The following HTR3D variants were observed in gnomAD, a reference collection of about 807,000 sequenced individuals.
The protein encoded by HTR3D is 5-hydroxytryptamine receptor 3D.
HTR3D carries 47 observed loss-of-function variants against 45.8 expected under a neutral mutation model. That is an observed-to-expected ratio of 1.03 (90% CI 0.81 to 1.31). HTR3D has a LOEUF of 1.31. Among genes scored for constraint, HTR3D ranks in the 50% most tolerant of loss-of-function variants. The pLI is 0.00. For synonymous variants in HTR3D, 203 were observed against 199.8 expected (o/e 1.02, Z -0.13); for missense variants, 448 against 506.9 (o/e 0.88, Z 1.12).
chr3:184,036,262 A>G, intron 3 of HTR3D, 113 bp from the exon 4 acceptor site: 1 of 1,505,358 alleles, frequency 6.6e-7, no homozygotes, highest in South Asian at 1.3e-5. Flanking sequence ...GAGAGCAGTC[A>G]TCTGAGTGGG....
intron 1 of HTR3D, among the ~76,000 whole-genome samples, chr3:184,032,217 T>C (rs2090720): frequency 0.36 from 54,503 of 152,002 alleles, 10,434 homozygotes; most frequent in African/African-American, 0.49. Context: ...TGGTCTTGAA[T>C]GCCTGTCCTC....
chr3:184,036,762 A>G lies in HTR3D; in HGVS notation c.382A>G (p.Arg128Gly). Residue 128 changes from arginine (R) to glycine (G), a missense_variant, in exon 5 of 8, where the codon AGG becomes GGG. Transcript: ENST00000428798. ...GAGAACACGAGCCCGGGCATGGAGAAGGATGTCCAGGAGCTTTCAAATACA... is the reference window on the plus strand; with the variant it reads ...GAGAACACGAGCCCGGGCATGGAGAGGGATGTCCAGGAGCTTTCAAATACA... ...SPTQVTRAWR[R>G]MSRSFQIHHR... 1 of 1,552,202 alleles carries G rather than the reference A, an allele frequency of 6.4e-7. No homozygotes were observed. Among genetic ancestry groups the G allele is most frequent in the Non-Finnish European group, 8.7e-7 (1 of 1,147,098 alleles).
chr3:184,036,561 T>G lies in HTR3D; in HGVS notation c.367+17T>G, dbSNP rs768135011. Reference sequence around the variant, plus strand: ...CACAGGTAAGTGGGGCTCACTAAAGTAGACTGTTGAGAGGCAGAGAAAGGG... The same window carrying G: ...CACAGGTAAGTGGGGCTCACTAAAGGAGACTGTTGAGAGGCAGAGAAAGGG... On this transcript the variant is annotated intron_variant, in intron 4 of 7. Transcript: ENST00000428798. The G allele has an allele frequency of 5.0e-6, 8 of 1,613,654 alleles. No individual in the cohort carries two copies. In the Admixed American group the frequency reaches 1.3e-4, roughly 27 times the overall value.
At chr3:184,037,898 G>A in intron 5 of HTR3D, 123 bp from the exon 6 acceptor site, 1 of 1,204,450 alleles carries the variant, frequency 8.3e-7, no homozygotes. Flanking sequence ...TGCTGAAAGG[G>A]ACGGGAGGTA....
At chr3:184,034,684 G>T in intron 1 of HTR3D, among the ~76,000 whole-genome samples, 1 of 95,714 alleles carries the variant, frequency 1.0e-5, no homozygotes, top group South Asian at 2.9e-4. Context: ...AGCTGGGCGT[G>T]GTGGTGTGTG....
rs1479759687 is a variant in HTR3D at position 184,038,008 on chromosome 3, T to A, written c.517-13T>A. On this transcript the variant is annotated splice_polypyrimidine_tract_variant and intron_variant, in intron 5 of 7. Coordinates refer to ENST00000428798, the MANE Select transcript of HTR3D (RefSeq NM_001145143.1). This position sits in a 1 kb window ranked among gnomAD's most constrained non-coding sequence, Gnocchi z 4.5. ...CCTACTTCTCACTTGCCCCTCCTTCTCCTCCCCACCAGGTGGCCATCAGGC... is the reference window on the plus strand; with the variant it reads ...CCTACTTCTCACTTGCCCCTCCTTCACCTCCCCACCAGGTGGCCATCAGGC... The A allele has an allele frequency of 6.2e-7, 1 of 1,611,828 alleles. No individual in the cohort carries two copies. Among genetic ancestry groups the A allele is most frequent in the Non-Finnish European group, 8.5e-7 (1 of 1,178,502 alleles).
At chr3:184,035,724 C>T (rs1300335842) in intron 2 of HTR3D, among the ~76,000 whole-genome samples, 2 of 149,786 alleles carry the variant, frequency 1.3e-5, no homozygotes, top group Non-Finnish European at 3.0e-5. Flanking sequence ...CTCACTCTGT[C>T]GCCCAGGCTC....
chr3:184,036,752 G>A lies in HTR3D; in HGVS notation c.372G>A (p.Arg124=), dbSNP rs867088272. 4 of 1,552,226 alleles carry A rather than the reference G, an allele frequency of 2.6e-6. No individual in the cohort carries two copies. In the Middle Eastern group the frequency reaches 5.0e-4, roughly 194 times the overall value. The change falls in exon 5 of 8, where the codon CGG becomes CGA. Residue 124 remains arginine (R), a synonymous_variant. Coordinates refer to ENST00000428798, the MANE Select transcript of HTR3D (RefSeq NM_001145143.1). ...PSALSPTQVT[R]AWRRMSRSFQ... ...CTTTGCAGTGGAGAACACGAGCCCG[G>A]GCATGGAGAAGGATGTCCAGGAGCT...
intron 2 of HTR3D, 48 bp downstream of exon 2, chr3:184,035,270 T>C: frequency 6.8e-7 from 1 of 1,478,880 alleles, no homozygotes; most frequent in South Asian, 1.2e-5. Context: ...TGCCTCTCTT[T>C]TTTCCACTCC....
chr3:184,038,909 C>G lies in HTR3D; in HGVS notation c.1149C>G (p.Leu383=). The G allele has an allele frequency of 6.2e-7, 1 of 1,614,220 alleles. No individual in the cohort carries two copies. The highest frequency in any genetic ancestry group is 8.5e-7 in the Non-Finnish European group (1 of 1,180,038). Reference sequence around the variant, plus strand: ...TCAGCCACGCGATGGACGCCCTGCTCTTCCGCCTCTACCTGCTCTTCATGG... The same window carrying G: ...TCAGCCACGCGATGGACGCCCTGCTGTTCCGCCTCTACCTGCTCTTCATGG... ...VQFSHAMDAL[L]FRLYLLFMAS... Residue 383 remains leucine, a synonymous_variant, in exon 8 of 8, where the codon CTC becomes CTG. Transcript: ENST00000428798. The surrounding 1 kb of genome is among the most constrained non-coding windows in gnomAD (Gnocchi z 4.5).
intron 5 of HTR3D, 140 bp downstream of exon 5, chr3:184,037,036 T>TA: frequency 3.0e-6 from 2 of 664,822 alleles, no homozygotes; most frequent in Non-Finnish European, 4.6e-6. Context: ...CCTTTGTCAC[T>TA]CTTTTTTTTT....
rs1459124723 is a variant in HTR3D at position 184,034,971 on chromosome 3, A to G, written c.67-207A>G. 2.6e-5 allele frequency: 31 copies of G among 1,186,492 alleles called. No individual in the cohort carries two copies. The South Asian group carries it at 5.6e-4, about 21-fold the overall frequency. The allele number at this position is 1,186,492 out of a possible 1,614,324, so 73.5% of individuals were successfully genotyped here. A position where few individuals can be genotyped will look rare whatever the true frequency, so the allele number is the denominator to read the frequency against. On this transcript the variant is annotated intron_variant, in intron 1 of 7. Transcript: ENST00000428798. ...TGTTCTTTTTGGAATACTTGTCAAA[A>G]CATATTCCCAATGGACCTTCATACT... is the stretch of plus-strand genomic sequence containing the variant.
At position 184,039,050 on chromosome 3, in the gene HTR3D, T is replaced by TCAGTCCAAATTA; in HGVS notation, c.*78_*79insTCCAAATTACAG. ...CTCCAGAAACCAGTCAGGCTCTCAG[T>TCAGTCCAAATTA]CAGCCTTGTGGCCCTGTCAACCGCC... On this transcript the variant is annotated 3_prime_UTR_variant, in exon 8 of 8. Transcript: ENST00000428798. 2.3e-6 allele frequency: 2 copies of TCAGTCCAAATTA among 854,958 alleles called. No individual in the cohort carries two copies. Among genetic ancestry groups the TCAGTCCAAATTA allele is most frequent in the South Asian group, 1.7e-5 (1 of 57,312 alleles). 53.0% of individuals were successfully genotyped at this position (854,958 alleles called of 1,614,324 possible).
At position 184,035,213 on chromosome 3, in the gene HTR3D, G is replaced by A. The variant is rs1291920247; in HGVS notation, c.102G>A (p.Trp34Ter). Residue 34 changes from tryptophan to a stop codon, truncating the protein, a stop_gained, in exon 2 of 8, where the codon TGG (tryptophan) becomes TGA (stop). Coordinates refer to ENST00000428798, the MANE Select transcript of HTR3D (RefSeq NM_001145143.1). LOFTEE classifies it high-confidence loss of function. ...TTCAACTGGTGACATCGTTCCTGTG[G>A]CTAAATATGGTATGACAGACTCAGT... Reference protein sequence around the residue: ...SHLQLVTSFLWLNMWNPDECG... With the variant: ...SHLQLVTSFL 1 of 1,552,184 alleles carries A rather than the reference G, an allele frequency of 6.4e-7. No individual in the cohort carries two copies. Among genetic ancestry groups the A allele is most frequent in the South Asian group, 1.2e-5 (1 of 84,050 alleles).
intron 1 of HTR3D, chr3:184,033,076 A>G: frequency 6.5e-7 from 1 of 1,529,522 alleles, no homozygotes; most frequent in South Asian, 1.2e-5. Context: ...TCCTCACCCA[A>G]CATTGCAGTG....
chr3:184,035,336 C>G (rs1045689738), intron 2 of HTR3D, 114 bp downstream of exon 2: 1 of 935,274 alleles, frequency 1.1e-6, no homozygotes, highest in African/African-American at 1.7e-5. Flanking sequence ...ATAAATTAGA[C>G]AAGTTCAAAT....
chr3:184,039,098 T>C lies in HTR3D; in HGVS notation c.*123T>C, dbSNP rs1194136552. The C allele has an allele frequency of 5.5e-6, 6 of 1,083,698 alleles. No individual in the cohort carries two copies. In the African/African-American group the frequency reaches 6.4e-5, roughly 12 times the overall value. The allele number at this position is 1,083,698 out of a possible 1,614,324, so 67.1% of individuals were successfully genotyped here. Reference sequence around the variant, plus strand: ...GCCTCATTTTTAACCCAGTCCTCTGTGTAGTTTCAGACCAGACCTGAATAG... The same window carrying C: ...GCCTCATTTTTAACCCAGTCCTCTGCGTAGTTTCAGACCAGACCTGAATAG... On this transcript the variant is annotated 3_prime_UTR_variant, in exon 8 of 8. Transcript: ENST00000428798.
In HTR3D at chr3:184,039,228, C is replaced by T. The variant is rs1025205139; in HGVS notation, c.*253C>T. 8 of 467,814 alleles carry T rather than the reference C, an allele frequency of 1.7e-5. No homozygotes were observed. Among genetic ancestry groups the T allele is most frequent in the Admixed American group, 3.7e-5 (1 of 27,248 alleles). 29.0% of individuals were successfully genotyped at this position (467,814 alleles called of 1,614,324 possible). On this transcript the variant is annotated 3_prime_UTR_variant, in exon 8 of 8. Transcript: ENST00000428798. ...CCTCAGGATTCAGGTTCCTAGGGTA[C>T]GTCCTTGATTAAATCACCCCAATAT... is the stretch of plus-strand genomic sequence containing the variant.
Position 184,038,021 on chromosome 3 carries a change from G to C in HTR3D, c.517G>C (p.Val173Leu). Residue 173 changes from valine (V) to leucine (L), a missense_variant and splice_region_variant, in exon 6 of 8, where the codon GTG (valine) becomes CTG (leucine). Coordinates refer to ENST00000428798, the MANE Select transcript of HTR3D (RefSeq NM_001145143.1). This position sits in a 1 kb window ranked among gnomAD's most constrained non-coding sequence, Gnocchi z 4.5. ...TNQYEQAIFH[V>L]AIRRRCRPSP... is the part of the protein sequence containing the mutation. ...TGCCCCTCCTTCTCCTCCCCACCAG[G>C]TGGCCATCAGGCGCAGGTGCAGGCC... The C allele has an allele frequency of 6.2e-7, 1 of 1,613,194 alleles. No homozygotes were observed. Among genetic ancestry groups the C allele is most frequent in the Non-Finnish European group, 8.5e-7 (1 of 1,179,292 alleles).
Sources: allele counts gnomAD v4.1 joint callset (sites outside exome capture counted in the v4.1 genomes callset), GRCh38; gene constraint gnomAD v4.1.1; non-coding constraint Gnocchi (gnomAD v3.1); transcripts MANE v1.5; gene names NCBI Gene and HGNC (gene_info 2026-07-23, HGNC 2026-07-21).